Variants in CCDC68 observed in about 807,000 individuals in gnomAD.
The protein encoded by CCDC68 is coiled-coil domain containing 68, also known as coiled-coil domain-containing protein 68.
Under a neutral mutation model 47.1 loss-of-function variants are expected in CCDC68, and 45 were observed. The observed-to-expected ratio is 0.96, with a 90% CI of 0.75 to 1.23. The LOEUF (loss-of-function observed/expected upper bound fraction) is 1.23. Among genes scored for constraint, CCDC68 ranks in the 50% most tolerant of loss-of-function variants. CCDC68 has a pLI of 0.00. For missense variants in CCDC68, 353 were observed against 373.6 expected, an observed-to-expected ratio of 0.94 and a Z score of 0.45; for synonymous variants, 131 against 129.5, an observed-to-expected ratio of 1.01 and a Z score of -0.08.
intron 10 of CCDC68, among the ~76,000 whole-genome samples, chr18:54,909,890 GC>G (rs748502806): frequency 3.3e-5 from 5 of 152,226 alleles, no homozygotes; most frequent in Admixed American, 1.3e-4. Flanking sequence ...TGCCCAAAGG[GC>G]CACAGCTCTT....
intron 7 of CCDC68, among the ~76,000 whole-genome samples, chr18:54,934,084 T>C (rs1568150280): frequency 1.3e-5 from 2 of 152,236 alleles, no homozygotes; most frequent in African/African-American, 4.8e-5. Context: ...CCAAAGCCTA[T>C]ATTTTTCTCT....
At chr18:54,953,533 C>T (rs71365330) in intron 1 of CCDC68, among the ~76,000 whole-genome samples, 6,293 of 74,862 alleles carry the variant, frequency 0.084, 166 homozygotes, top group Non-Finnish European at 0.12. Flanking sequence ...CACACACACA[C>T]ACACACATAT....
chr18:54,907,890 A>T lies in CCDC68; in HGVS notation c.874-28T>A. The T allele has an allele frequency of 3.1e-6, 4 of 1,270,266 alleles. No homozygotes were observed. In the East Asian group the frequency reaches 9.2e-5, roughly 29 times the overall value. 78.7% of individuals were successfully genotyped at this position (1,270,266 alleles called of 1,614,324 possible). On this transcript the variant is annotated intron_variant, in intron 10 of 11. Coordinates refer to ENST00000591504, the MANE Select transcript of CCDC68 (RefSeq NM_025214.3). ...AAAATTGAAAAAAAATGCAGACGTC[A>T]AATAGCTAACACATTTATTAGCTAC...
At chr18:54,917,037 C>CTAAACTTCTTTTTCTT (rs2043965952) in intron 10 of CCDC68, among the ~76,000 whole-genome samples, 1 of 152,122 alleles carries the variant, frequency 6.6e-6, no homozygotes, top group Non-Finnish European at 1.5e-5. Context: ...TGTGAGTGCA[C>CTAAACTTCTTTTTCTT]TAAACTTCTT....
chr18:54,950,897 C>CTTTTTT lies in CCDC68; in HGVS notation c.-102-5426_-102-5421dup, dbSNP rs869026740. On this transcript the variant is annotated intron_variant, in intron 1 of 11. Coordinates refer to ENST00000591504, the MANE Select transcript of CCDC68 (RefSeq NM_025214.3). ...TTAGGTTGACCCCAAATTCAGATGT[C>CTTTTTT]TTTTTTTTTTTTTTTTTTTTTTTTT... Among the ~76,000 whole-genome samples, 45 of 61,960 alleles carry CTTTTTT rather than the reference C, an allele frequency of 7.3e-4. 2 individuals carry two copies. Among genetic ancestry groups the CTTTTTT allele is most frequent in the Admixed American group, 1.1e-3 (4 of 3,582 alleles). 40.6% of individuals were successfully genotyped at this position (61,960 alleles called of 152,430 possible).
At chr18:54,950,934 A>T (rs1362906180) in intron 1 of CCDC68, among the ~76,000 whole-genome samples, 1 of 90,608 alleles carries the variant, frequency 1.1e-5, no homozygotes, top group Non-Finnish European at 1.9e-5. Context: ...TTTGAGACGG[A>T]GTCTCGCTCT....
At chr18:54,945,819 G>A (rs765445044) in intron 1 of CCDC68, among the ~76,000 whole-genome samples, 7 of 152,128 alleles carry the variant, frequency 4.6e-5, no homozygotes, top group Non-Finnish European at 8.8e-5. Context: ...AGTATCTTCC[G>A]GGATTAAGAT....
At chr18:54,918,124 AAGCATT>A (rs2043988035) in intron 9 of CCDC68, 128 bp from the exon 10 acceptor site, 2 of 580,124 alleles carry the variant, frequency 3.4e-6, no homozygotes, top group Non-Finnish European at 6.0e-6. Context: ...TTAAATCCCA[AAGCATT>A]AGCAGACTCA....
intron 1 of CCDC68, among the ~76,000 whole-genome samples, chr18:54,951,800 A>G (rs1174546653): frequency 1.3e-5 from 2 of 152,224 alleles, no homozygotes; most frequent in Admixed American, 1.3e-4. Flanking sequence ...GTTTGGCTGC[A>G]TGGCTTAAAA....
chr18:54,947,429 TG>T (rs1780793355), intron 1 of CCDC68, among the ~76,000 whole-genome samples: 1 of 152,208 alleles, frequency 6.6e-6, no homozygotes, highest in Non-Finnish European at 1.5e-5. Flanking sequence ...TGAGGCTTTC[TG>T]TGAAGAAAGA....
intron 10 of CCDC68, among the ~76,000 whole-genome samples, chr18:54,914,993 A>G (rs1033618268): frequency 2.0e-5 from 3 of 152,196 alleles, no homozygotes; most frequent in Non-Finnish European, 4.4e-5. Flanking sequence ...AAAGAACACA[A>G]AATTGAATTA....
rs1161526514 is a variant in CCDC68, at chr18:54,905,547, A to C, written c.951-1132T>G. ...AATTTTTATGTGTACATAATTTTCT[A>C]ATTTCAGTCTTAACAGTTATCTTTA... is the stretch of plus-strand genomic sequence containing the variant. On this transcript the variant is annotated intron_variant, in intron 11 of 11. Transcript: ENST00000591504. Among the ~76,000 whole-genome samples, 4 of 152,014 alleles carry C rather than the reference A, an allele frequency of 2.6e-5. No individual in the cohort carries two copies. In the East Asian group the frequency reaches 7.7e-4, roughly 29 times the overall value.
chr18:54,928,884 T>G lies in CCDC68; in HGVS notation c.601-2A>C. ...TCTTTCTAGTAGTGTTCTCTTTTCCTAGGAGAAAATAAGATACAAATTTTG... is the reference window on the plus strand; with the variant it reads ...TCTTTCTAGTAGTGTTCTCTTTTCCGAGGAGAAAATAAGATACAAATTTTG... On this transcript the variant is annotated splice_acceptor_variant, in intron 7 of 11. Coordinates refer to ENST00000591504, the MANE Select transcript of CCDC68 (RefSeq NM_025214.3). LOFTEE classifies it high-confidence loss of function. 1 of 1,583,126 alleles carries G rather than the reference T, an allele frequency of 6.3e-7. No individual in the cohort carries two copies. The highest frequency in any genetic ancestry group is 1.3e-5 in the African/African-American group (1 of 74,316).
chr18:54,926,058 A>G (rs1226658822), intron 8 of CCDC68, among the ~76,000 whole-genome samples: 1 of 152,222 alleles, frequency 6.6e-6, no homozygotes, highest in East Asian at 1.9e-4. Flanking sequence ...AGTGGCAACC[A>G]TATGCTTTGA....
chr18:54,908,722 G>A (rs1029175726), intron 10 of CCDC68, among the ~76,000 whole-genome samples: 7 of 152,088 alleles, frequency 4.6e-5, no homozygotes, highest in Non-Finnish European at 7.4e-5. Context: ...TTTTCTAGTC[G>A]AAGTGCCTTT....
intron 7 of CCDC68, among the ~76,000 whole-genome samples, chr18:54,931,794 A>C (rs1426257728): frequency 2.0e-5 from 3 of 152,190 alleles, no homozygotes; most frequent in African/African-American, 7.2e-5. Context: ...ATTCCTGATT[A>C]AAGTGGGACA....
intron 7 of CCDC68, among the ~76,000 whole-genome samples, chr18:54,930,665 TCC>T (rs2044235933): frequency 7.8e-5 from 1 of 12,800 alleles, no homozygotes; most frequent in African/African-American, 2.3e-4. Context: ...CTTCCTTCCT[TCC>T]TTCCTTCCCT....
chr18:54,953,419 C>G (rs563058579), intron 1 of CCDC68, among the ~76,000 whole-genome samples: 1 of 152,200 alleles, frequency 6.6e-6, no homozygotes, highest in East Asian at 1.9e-4. Flanking sequence ...CTGATTTTAT[C>G]AGAAGTAACT....
At chr18:54,928,110 C>T (rs556515465) in intron 8 of CCDC68, among the ~76,000 whole-genome samples, 71 of 152,234 alleles carry the variant, frequency 4.7e-4, no homozygotes, top group Non-Finnish European at 9.6e-4. Context: ...CATACAATGA[C>T]TGTGTTGGAC....
Sources: gnomAD v4.1 joint callset for allele counts (sites outside exome capture counted in the v4.1 genomes callset) on GRCh38, gnomAD v4.1.1 for gene constraint, MANE v1.5 for transcripts, NCBI Gene and HGNC (gene_info 2026-07-23, HGNC 2026-07-21) for gene names.